The following DAB1 variants were observed in gnomAD, a reference collection of about 807,000 sequenced individuals.
DAB1 encodes the protein DAB adaptor protein 1.
Under a neutral mutation model 64.6 loss-of-function variants are expected in DAB1, and 15 were observed. The observed-to-expected ratio is 0.23, with a 90% CI of 0.16 to 0.36. The LOEUF is 0.36. Among genes scored for constraint, DAB1 ranks in the 10% least tolerant of loss-of-function variants. DAB1 has a pLI of 1.00. For missense variants in DAB1, 596 were observed against 706.7 expected, an observed-to-expected ratio of 0.84 and a Z score of 1.78; for synonymous variants, 235 against 251.9, an observed-to-expected ratio of 0.93 and a Z score of 0.64.
chr1:57,964,505 T>G (rs184161127), intron 5 of DAB1, among the ~76,000 whole-genome samples: 1 of 152,324 alleles, frequency 6.6e-6, no homozygotes, highest in East Asian at 1.9e-4. Flanking sequence ...GATCAAGATT[T>G]GAACCTAGGC....
intron 5 of DAB1, among the ~76,000 whole-genome samples, chr1:58,010,953 A>G (rs1214275874): frequency 1.3e-5 from 2 of 152,212 alleles, no homozygotes; most frequent in Non-Finnish European, 2.9e-5. Flanking sequence ...TTTCTTATAA[A>G]TTTCTTTCCC....
chr1:57,072,458 C>T (rs1373015283), intron 4 of DAB1, 44 bp from the exon 5 acceptor site: 2 of 1,600,778 alleles, frequency 1.2e-6, no homozygotes, highest in Admixed American at 1.7e-5. Context: ...GGGGACTTTC[C>T]CTTCGAGCTG....
chr1:57,406,650 C>T (rs1683664985), intron 1 of DAB1, among the ~76,000 whole-genome samples: 1 of 152,206 alleles, frequency 6.6e-6, no homozygotes, highest in East Asian at 1.9e-4. Flanking sequence ...GCACCGCAAT[C>T]TCCATTTGAC....
In DAB1 at chr1:57,453,161, T is replaced by A. The variant is rs186688354; in HGVS notation, n.626-161995A>T. ...CTTATTGTCTGAGAGATGAAAGTTA[T>A]GTCTGTGAATATTTATCATCATTTT... On this transcript the variant is annotated intron_variant and non_coding_transcript_variant, in intron 7 of 20. Coordinates refer to the DAB1 transcript ENST00000485760. Among the ~76,000 whole-genome samples the A allele has an allele frequency of 7.6e-4, 116 of 151,766 alleles. 1 individual carries two copies. Among genetic ancestry groups the A allele is most frequent in the Non-Finnish European group, 7.6e-4 (52 of 68,022 alleles).
rs543033872 is a variant in DAB1, at chr1:58,235,347, T to G, written n.310-84759A>C. Among the ~76,000 whole-genome samples the G allele has an allele frequency of 5.1e-4, 78 of 152,326 alleles. 1 individual carries two copies. Among genetic ancestry groups the G allele is most frequent in the South Asian group, 8.3e-4 (4 of 4,828 alleles). On this transcript the variant is annotated intron_variant and non_coding_transcript_variant, in intron 4 of 20. Transcript: ENST00000485760. ...TGGAACTAGGATCTGAATGCAGCAC[T>G]CAATTGCTGAACCATGAAAACAACC...
intron 3 of DAB1, among the ~76,000 whole-genome samples, chr1:58,407,589 C>T (rs976311478): frequency 6.6e-6 from 1 of 152,132 alleles, no homozygotes; most frequent in African/African-American, 2.4e-5. Context: ...CCACAGTGCA[C>T]AAGGACAGCC....
chr1:58,312,340 C>T (rs955683794), intron 4 of DAB1, among the ~76,000 whole-genome samples: 3 of 152,146 alleles, frequency 2.0e-5, no homozygotes, highest in Non-Finnish European at 4.4e-5. Context: ...CAGAACAATT[C>T]GTCATGTAAA....
chr1:57,304,070 A>C (rs1049472375), intron 1 of DAB1, among the ~76,000 whole-genome samples: 1 of 152,112 alleles, frequency 6.6e-6, no homozygotes, highest in African/African-American at 2.4e-5. Context: ...GAAATACCTG[A>C]GGCTCGGTAA....
Position 57,168,721 on chromosome 1 carries a change from C to A in DAB1, c.68-23292G>T, listed in dbSNP as rs11206987. Among the ~76,000 whole-genome samples the A allele has an allele frequency of 5.7e-3, 863 of 152,240 alleles. 11 individuals are homozygous for A. Among genetic ancestry groups the A allele is most frequent in the African/African-American group, 0.019 (785 of 41,542 alleles). On this transcript the variant is annotated intron_variant, in intron 2 of 14. Coordinates refer to ENST00000371236, the MANE Select transcript of DAB1 (RefSeq NM_001365792.1). Reference sequence around the variant, plus strand: ...ATCAATTCTCAGGCTTTACCAAATGCCCCTTTCTCTTTAGTTCATATTGAA... The same window carrying A: ...ATCAATTCTCAGGCTTTACCAAATGACCCTTTCTCTTTAGTTCATATTGAA...
chr1:57,231,786 G>A (rs1401939494), intron 2 of DAB1, among the ~76,000 whole-genome samples: 3 of 152,134 alleles, frequency 2.0e-5, no homozygotes, highest in Non-Finnish European at 4.4e-5. Context: ...CACCCAATGT[G>A]CAGAAGGAAG....
At chr1:57,291,253 A>T in intron 1 of DAB1, 87 bp from the exon 2 acceptor site, 1 of 388,574 alleles carries the variant, frequency 2.6e-6, no homozygotes, top group Non-Finnish European at 4.6e-6. Flanking sequence ...GCAAACATAT[A>T]CAAACAAAAT....
chr1:57,054,071 T>G (rs1649495988), intron 9 of DAB1, among the ~76,000 whole-genome samples: 1 of 152,134 alleles, frequency 6.6e-6, no homozygotes, highest in African/African-American at 2.4e-5. Context: ...CTTTTATGCC[T>G]AATACAACTA....
At chr1:57,247,501 C>T (rs1406064568) in intron 2 of DAB1, among the ~76,000 whole-genome samples, 8 of 152,176 alleles carry the variant, frequency 5.3e-5, no homozygotes, top group Non-Finnish European at 7.3e-5. Flanking sequence ...CACCCACTCT[C>T]ATTTAGTTCT....
chr1:58,374,885 A>T (rs1024909907), intron 3 of DAB1, among the ~76,000 whole-genome samples: 2 of 137,182 alleles, frequency 1.5e-5, no homozygotes, highest in Non-Finnish European at 3.2e-5. Flanking sequence ...CTCCTTGAAG[A>T]GGTCCTTCAC....
intron 5 of DAB1, among the ~76,000 whole-genome samples, chr1:58,009,415 A>G (rs1398283805): frequency 6.6e-6 from 1 of 152,198 alleles, no homozygotes; most frequent in African/African-American, 2.4e-5. Context: ...GGAAAACTGA[A>G]ATAAGGGGGC....
At chr1:57,778,466 A>T (rs1425196286) in intron 6 of DAB1, among the ~76,000 whole-genome samples, 1 of 151,882 alleles carries the variant, frequency 6.6e-6, no homozygotes, top group African/African-American at 2.4e-5. Context: ...CTTATCAAGG[A>T]TCACATTCCT....
At chr1:58,070,907 A>C (rs1192976170) in intron 5 of DAB1, among the ~76,000 whole-genome samples, 2 of 152,160 alleles carry the variant, frequency 1.3e-5, no homozygotes, top group Non-Finnish European at 2.9e-5. Context: ...GGAAATGTTG[A>C]GTGTCAGGTG....
chr1:58,300,960 C>A (rs1662156637), intron 4 of DAB1, among the ~76,000 whole-genome samples: 1 of 151,968 alleles, frequency 6.6e-6, no homozygotes, highest in South Asian at 2.1e-4. Flanking sequence ...AGAGAAGGTC[C>A]TTTTTCTAAT....
chr1:58,025,645 A>ATGTG (rs1208743202), intron 5 of DAB1, among the ~76,000 whole-genome samples: 296 of 79,304 alleles, frequency 3.7e-3, no homozygotes, highest in Middle Eastern at 6.0e-3. Context: ...TTATATATAT[A>ATGTG]TGTGTGTATA....
Sources: allele counts gnomAD v4.1 joint callset (sites outside exome capture counted in the v4.1 genomes callset), GRCh38; gene constraint gnomAD v4.1.1; transcripts MANE v1.5; gene names NCBI Gene and HGNC (gene_info 2026-07-23, HGNC 2026-07-21).